Variants in COLEC10 observed in about 807,000 individuals in gnomAD.
COLEC10 encodes the protein collectin-10.
COLEC10 carries 22 observed loss-of-function variants against 28.4 expected under a neutral mutation model. The observed-to-expected ratio is 0.78, with a 90% CI of 0.55 to 1.11. The LOEUF (loss-of-function observed/expected upper bound fraction) is 1.11. Ranked by LOEUF, COLEC10 falls within the 50% of genes least tolerant of loss-of-function variation. The pLI is 0.00. For synonymous variants in COLEC10, 125 were observed against 116.1 expected, an observed-to-expected ratio of 1.08 and a Z score of -0.49; for missense variants, 361 against 344.1, an observed-to-expected ratio of 1.05 and a Z score of -0.39.
the COLEC10 span, among the ~76,000 whole-genome samples, chr8:118,958,207 G>A: frequency 6.6e-6 from 1 of 152,130 alleles, no homozygotes; most frequent in Non-Finnish European, 1.5e-5. Context: ...TGCATGAAAT[G>A]GCCTTTAAGG....
At chr8:119,098,633 C>T (rs1186830371) in intron 3 of COLEC10, among the ~76,000 whole-genome samples, 1 of 152,024 alleles carries the variant, frequency 6.6e-6, no homozygotes, top group Non-Finnish European at 1.5e-5. Flanking sequence ...TAGACACTTG[C>T]TAGATGTTTG....
At chr8:118,989,570 C>CAA in the COLEC10 span, among the ~76,000 whole-genome samples, 47 of 148,816 alleles carry the variant, frequency 3.2e-4, no homozygotes, top group African/African-American at 1.2e-3. Flanking sequence ...CACACACACA[C>CAA]ACACACACCC....
chr8:119,106,367 A>C lies in COLEC10; in HGVS notation c.*176A>C. ...CTTTTGTGATGATTTTCATATTTTC[A>C]CACATGGTATATTATTGACCCAATA... On this transcript the variant is annotated 3_prime_UTR_variant, in exon 6 of 6. Transcript: ENST00000332843. The C allele has an allele frequency of 1.6e-6, 1 of 636,666 alleles. No individual in the cohort carries two copies. Among genetic ancestry groups the C allele is most frequent in the South Asian group, 2.1e-5 (1 of 46,742 alleles). The allele number at this position is 636,666 out of a possible 1,614,324, so 39.4% of individuals were successfully genotyped here.
intron 1 of COLEC10, chr8:119,067,716 A>G (rs866383176): frequency 3.0e-5 from 9 of 302,112 alleles, no homozygotes; most frequent in Admixed American, 1.4e-4. Context: ...GCTCCGGGGC[A>G]GATGCACAAT....
rs762696567 is a variant in COLEC10, at chr8:119,011,043, G to A, written n.235+1490G>A. ...TTCTCTTTCATGGATTTTGGCTTTG[G>A]TGTTGTAGCAAAAAGATCATCACCA... On this transcript the variant is annotated intron_variant and non_coding_transcript_variant, in intron 2 of 6. Transcript: ENST00000521788. 1.1e-4 allele frequency among the ~76,000 whole-genome samples: 16 copies of A among 150,796 alleles called. 1 individual carries two copies. Among genetic ancestry groups the A allele is most frequent in the Admixed American group, 4.0e-4 (6 of 15,186 alleles).
At chr8:118,989,534 T>TACACACACACACACAC in the COLEC10 span, among the ~76,000 whole-genome samples, 50 of 128,724 alleles carry the variant, frequency 3.9e-4, no homozygotes, top group African/African-American at 1.4e-3. Context: ...ACAGACAAAA[T>TACACACACACACACAC]ACACACACAC....
intron 2 of COLEC10, among the ~76,000 whole-genome samples, chr8:119,056,916 A>G (rs1233536717): frequency 6.6e-6 from 1 of 152,006 alleles, no homozygotes; most frequent in African/African-American, 2.4e-5. Flanking sequence ...TGCTCAATCA[A>G]TTATACTTTC....
chr8:119,067,952 T>C (rs1451867729), intron 1 of COLEC10: 1 of 152,276 alleles, frequency 6.6e-6, no homozygotes, highest in Non-Finnish European at 1.5e-5. Context: ...AGTATATAAA[T>C]GAACATTTCT....
At chr8:119,018,873 T>C (rs1022485252) in intron 2 of COLEC10, among the ~76,000 whole-genome samples, 3 of 152,088 alleles carry the variant, frequency 2.0e-5, no homozygotes, top group Non-Finnish European at 4.4e-5. Context: ...GGCATACACA[T>C]CCCCCCAGTA....
intron 2 of COLEC10, among the ~76,000 whole-genome samples, chr8:119,034,044 A>G (rs937695238): frequency 1.6e-4 from 24 of 152,246 alleles, no homozygotes; most frequent in Admixed American, 1.4e-3. Context: ...CATGTACACA[A>G]TGGTATACTA....
At chr8:119,096,764 A>C (rs1030429520) in intron 3 of COLEC10, among the ~76,000 whole-genome samples, 1 of 152,092 alleles carries the variant, frequency 6.6e-6, no homozygotes, top group African/African-American at 2.4e-5. Context: ...CTGATAACCC[A>C]AAGAAATAAA....
chr8:119,000,995 G>A (rs1461794417), intron 1 of COLEC10, among the ~76,000 whole-genome samples: 1 of 152,152 alleles, frequency 6.6e-6, no homozygotes, highest in Non-Finnish European at 1.5e-5. Context: ...CAAAAGGGCA[G>A]AGGAGTTATG....
chr8:119,095,215 T>C (rs1220431094), intron 3 of COLEC10, among the ~76,000 whole-genome samples: 2 of 152,086 alleles, frequency 1.3e-5, no homozygotes. Context: ...AGTGTCAAAA[T>C]AAGTAAATAT....
chr8:119,018,561 A>G (rs1204705562), intron 2 of COLEC10, among the ~76,000 whole-genome samples: 1 of 152,226 alleles, frequency 6.6e-6, no homozygotes, highest in African/African-American at 2.4e-5. Context: ...GACTTTTGCC[A>G]ATGGAAATCC....
chr8:118,984,213 T>A, the COLEC10 span, among the ~76,000 whole-genome samples: 407 of 152,158 alleles, frequency 2.7e-3, no homozygotes, highest in Non-Finnish European at 4.3e-3. Flanking sequence ...GGCCATATCC[T>A]AAGCAAACTA....
chr8:118,991,153 AT>A (rs1813500276), upstream of COLEC10, among the ~76,000 whole-genome samples: 1 of 152,130 alleles, frequency 6.6e-6, no homozygotes, highest in Non-Finnish European at 1.5e-5. Context: ...TATTTCTGGA[AT>A]TTCACATATA....
At chr8:119,046,139 C>T (rs1053836550) in intron 2 of COLEC10, among the ~76,000 whole-genome samples, 1 of 152,124 alleles carries the variant, frequency 6.6e-6, no homozygotes, top group Non-Finnish European at 1.5e-5. Context: ...ATTATTGGTT[C>T]TGAAGGAGGA....
At chr8:119,045,677 G>A (rs1356218544) in intron 2 of COLEC10, among the ~76,000 whole-genome samples, 1 of 152,160 alleles carries the variant, frequency 6.6e-6, no homozygotes, top group Non-Finnish European at 1.5e-5. Context: ...TGTTTGAATT[G>A]TGCATTAAAA....
At chr8:119,058,683 T>G (rs1381730293) in intron 2 of COLEC10, among the ~76,000 whole-genome samples, 1 of 152,122 alleles carries the variant, frequency 6.6e-6, no homozygotes, top group African/African-American at 2.4e-5. Flanking sequence ...ATGTTTGTAT[T>G]TTTTCAATTT....
Sources: gnomAD v4.1 joint callset for allele counts (sites outside exome capture counted in the v4.1 genomes callset) on GRCh38, gnomAD v4.1.1 for gene constraint, MANE v1.5 for transcripts, NCBI Gene and HGNC (gene_info 2026-07-23, HGNC 2026-07-21) for gene names.